ANO7: variants seen among roughly 807,000 people sequenced by gnomAD.
ANO7 encodes the protein anoctamin 7.
ANO7 carries 114 observed loss-of-function variants against 115.8 expected under a neutral mutation model. That is an observed-to-expected ratio of 0.98 (90% confidence interval 0.85 to 1.15). The LOEUF is 1.15. Ranked by LOEUF, ANO7 falls within the 50% of genes most tolerant of loss-of-function variation. The pLI, the probability that ANO7 is intolerant of heterozygous loss-of-function variation, is 0.00. For missense variants in ANO7, 1,302 were observed against 1,201.2 expected (o/e 1.08, Z -1.24); for synonymous variants, 550 against 498.2 (o/e 1.10, Z -1.38).
the ANO7 span, chr2:241,238,607 C>T: frequency 1.8e-5 from 26 of 1,434,780 alleles, 1 homozygote; most frequent in East Asian, 1.5e-4. The surrounding 1 kb of genome is among the most constrained non-coding windows in gnomAD (Gnocchi z 4.9). Flanking sequence ...ACATGGGAGG[C>T]GCCACTATTA....
In ANO7 at chr2:241,223,714, CAG is replaced by C; in HGVS notation, c.2468_2469del (p.Glu823ValfsTer14). The C allele has an allele frequency of 4.3e-6, 7 of 1,614,132 alleles. No individual in the cohort carries two copies. Among genetic ancestry groups the C allele is most frequent in the Non-Finnish European group, 5.9e-6 (7 of 1,180,016 alleles). ...CTGGACCTCCTGGTGCCTGACATCC[CAG>C]AGTCTGTGGAGATCAAAGTGAAGCG... On this transcript the variant is annotated frameshift_variant, in exon 23 of 25. Transcript: ENST00000674324. LOFTEE classifies it high-confidence loss of function.
intron 3 of ANO7, among the ~76,000 whole-genome samples, chr2:241,193,641 T>G (rs902568529): frequency 3.3e-5 from 5 of 152,196 alleles, no homozygotes; most frequent in Admixed American, 1.3e-4. Flanking sequence ...AATCATGCCT[T>G]TTATCAATAT....
At chr2:241,214,747 A>G in intron 17 of ANO7, 58 bp from the exon 18 acceptor site, 1 of 1,500,864 alleles carries the variant, frequency 6.7e-7, no homozygotes, top group Admixed American at 1.7e-5. Flanking sequence ...ACAAGAAGGG[A>G]TGCGTGGGTG....
Position 241,200,187 on chromosome 2 carries a change from G to A in ANO7, c.516G>A (p.Glu172=). Residue 172 remains glutamate, a synonymous_variant, in exon 6 of 25, where the codon GAG becomes GAA. Transcript: ENST00000674324. ...LLEVVPDVPP[E]YYSCRFRVNK... ...AGGTTGTGCCAGACGTACCCCCCGA[G>A]TACTACTCCTGCCGGTTCAGAGTGA... The A allele has an allele frequency of 6.2e-7, 1 of 1,613,142 alleles. No individual in the cohort carries two copies. The highest frequency in any genetic ancestry group is 1.3e-5 in the African/African-American group (1 of 75,044).
intron 16 of ANO7, 118 bp downstream of exon 16, chr2:241,212,323 C>G (rs1180335402): frequency 2.7e-6 from 3 of 1,104,590 alleles, no homozygotes. Context: ...AGGACGGAAC[C>G]GGAGACCCAG....
In ANO7 at chr2:241,212,210, G is replaced by A. The variant is rs1649747376; in HGVS notation, c.1673+5G>A. The A allele has an allele frequency of 6.2e-7, 1 of 1,608,458 alleles. No individual in the cohort carries two copies. Among genetic ancestry groups the A allele is most frequent in the Admixed American group, 1.7e-5 (1 of 60,028 alleles). ...CATTGCCTTCTTCAAGGGCAGGTTG[G>A]TGGGCACCTCTCCCTCTGGCCACAG... On this transcript the variant is annotated splice_donor_5th_base_variant and intron_variant, in intron 16 of 24. Coordinates refer to ENST00000674324, the MANE Select transcript of ANO7 (RefSeq NM_001370694.2).
At position 241,188,894 on chromosome 2, in the gene ANO7, G is replaced by A. The variant is rs574426388; in HGVS notation, c.-8+128G>A. ...TGGCCTGTGGGGAGGCAGTGCCAGG[G>A]CCCGCCCTGGTCCCCAAAGCCCCTT... On this transcript the variant is annotated intron_variant, in intron 1 of 24. Transcript: ENST00000674324. The surrounding 1 kb of genome is among the most constrained non-coding windows in gnomAD (Gnocchi z 4.3). The A allele has an allele frequency of 2.4e-6, 3 of 1,272,890 alleles. No individual in the cohort carries two copies. Among genetic ancestry groups the A allele is most frequent in the African/African-American group, 3.0e-5 (2 of 66,632 alleles). 78.8% of individuals were successfully genotyped at this position (1,272,890 alleles called of 1,614,324 possible).
chr2:241,219,827 C>T (rs2068967420), intron 21 of ANO7, among the ~76,000 whole-genome samples: 1 of 151,686 alleles, frequency 6.6e-6, no homozygotes, highest in African/African-American at 2.4e-5. Flanking sequence ...AATGCCCTGG[C>T]CTCCCAAAGC....
downstream of ANO7, chr2:241,229,029 C>T (rs543138653): frequency 6.4e-6 from 1 of 155,306 alleles, no homozygotes; most frequent in Non-Finnish European, 1.4e-5. Flanking sequence ...CCCTCTGCCT[C>T]TCAGGTCACC....
chr2:241,236,647 C>G, the ANO7 span: 2 of 1,614,198 alleles, frequency 1.2e-6, no homozygotes, highest in Admixed American at 1.7e-5. Flanking sequence ...TCACACTTTT[C>G]TTTCCGGCCA....
At chr2:241,213,204 C>G (rs2068755360) in intron 17 of ANO7, among the ~76,000 whole-genome samples, 1 of 130,648 alleles carries the variant, frequency 7.7e-6, no homozygotes. Flanking sequence ...CCTCATGGCA[C>G]ACGGCCCGCA....
chr2:241,238,375 C>T, the ANO7 span: 107 of 284,864 alleles, frequency 3.8e-4, no homozygotes, highest in African/African-American at 2.1e-3. This position sits in a 1 kb window ranked among gnomAD's most constrained non-coding sequence, Gnocchi z 4.9. Context: ...TCGGGACACC[C>T]GAGGATGAGG....
chr2:241,229,420 G>T, downstream of ANO7: 1 of 559,390 alleles, frequency 1.8e-6, no homozygotes, highest in Non-Finnish European at 3.2e-6. Flanking sequence ...GAGCGGGCAC[G>T]GCCAGGCCTG....
intron 19 of ANO7, among the ~76,000 whole-genome samples, chr2:241,217,030 A>G (rs2149251608): frequency 6.6e-6 from 1 of 152,120 alleles, no homozygotes; most frequent in African/African-American, 2.4e-5. Flanking sequence ...GCGGAGTTTC[A>G]CCGTGTTGGC....
At chr2:241,233,044 C>T in the ANO7 span, among the ~76,000 whole-genome samples, 20 of 152,028 alleles carry the variant, frequency 1.3e-4, no homozygotes, top group African/African-American at 4.8e-4. This position sits in a 1 kb window ranked among gnomAD's most constrained non-coding sequence, Gnocchi z 4.3. Flanking sequence ...ACAGTGGGAG[C>T]GAGGGGCGTG....
Position 241,218,271 on chromosome 2 carries a change from G to T in ANO7, c.2211G>T (p.Leu737=). ...TCCTGGCCTTCTCGTCCGACTTCCTGCCGCGCGCCTACTACCGGTGGACCC... is the reference window on the plus strand; with the variant it reads ...TCCTGGCCTTCTCGTCCGACTTCCTTCCGCGCGCCTACTACCGGTGGACCC... ...AFLLAFSSDF[L]PRAYYRWTRA... The change falls in exon 21 of 25, where the codon CTG becomes CTT. Residue 737 remains leucine (L), a synonymous_variant. Coordinates refer to ENST00000674324, the MANE Select transcript of ANO7 (RefSeq NM_001370694.2). The T allele has an allele frequency of 6.5e-7, 1 of 1,533,708 alleles. No individual in the cohort carries two copies.
downstream of ANO7, among the ~76,000 whole-genome samples, chr2:241,226,873 C>T (rs1321516667): frequency 1.3e-5 from 2 of 152,172 alleles, no homozygotes; most frequent in African/African-American, 4.8e-5. Flanking sequence ...CTCAACGCCC[C>T]TCCCTCCTCC....
chr2:241,199,212 C>A, intron 4 of ANO7, 104 bp from the exon 5 acceptor site: 3 of 1,001,986 alleles, frequency 3.0e-6, no homozygotes, highest in African/African-American at 1.6e-5. Flanking sequence ...GTTACCACGG[C>A]TACAGAAATG....
At chr2:241,230,701 C>T, downstream of ANO7, 1 of 1,493,434 alleles carries the variant, frequency 6.7e-7, no homozygotes, top group Non-Finnish European at 9.3e-7. The surrounding 1 kb of genome is among the most constrained non-coding windows in gnomAD (Gnocchi z 5.0). Flanking sequence ...TTCTTCTGGC[C>T]AGCCAGGTGC....
Sources: allele counts gnomAD v4.1 joint callset (sites outside exome capture counted in the v4.1 genomes callset), GRCh38; gene constraint gnomAD v4.1.1; non-coding constraint Gnocchi (gnomAD v3.1); transcripts MANE v1.5; gene names NCBI Gene and HGNC (gene_info 2026-07-23, HGNC 2026-07-21).